The following CTBP2 variants were observed in gnomAD, a reference collection of about 807,000 sequenced individuals.
CTBP2 encodes the protein C-terminal-binding protein 2.
A neutral mutation model predicts 80.3 loss-of-function variants in CTBP2; 30 were observed. The ratio of observed to expected loss-of-function variants is 0.37; its 90% confidence interval spans 0.28 to 0.51. The LOEUF (loss-of-function observed/expected upper bound fraction) is 0.51, where lower values mean the gene tolerates loss of function less well. CTBP2 is among the 20% of genes least tolerant of loss of function. CTBP2 has a pLI of 0.93. For missense variants in CTBP2, 1,212 were observed against 1,375.3 expected (o/e 0.88, Z 1.88); for synonymous variants, 594 against 587.4 (o/e 1.01, Z -0.16).
intron 2 of CTBP2, among the ~76,000 whole-genome samples, chr10:125,055,146 CCTT>C (rs903515845): frequency 3.9e-5 from 6 of 152,188 alleles, no homozygotes; most frequent in African/African-American, 1.4e-4. Context: ...GGTAAACAGA[CCTT>C]CTTGCTTTTT....
intron 2 of CTBP2, among the ~76,000 whole-genome samples, chr10:125,069,892 C>CG (rs1027364559): frequency 1.2e-4 from 15 of 130,334 alleles, no homozygotes; most frequent in African/African-American, 3.2e-4. Context: ...CCCCCTCCCC[C>CG]CCCCACACAA....
intron 3 of CTBP2, among the ~76,000 whole-genome samples, chr10:125,034,503 T>G (rs1362021980): frequency 6.6e-6 from 1 of 152,232 alleles, no homozygotes; most frequent in Non-Finnish European, 1.5e-5. Flanking sequence ...GCTAATCACA[T>G]AATTGCTGGA....
intron 1 of CTBP2, among the ~76,000 whole-genome samples, chr10:125,150,626 AAACAGTGACT>A (rs1316662723): frequency 6.6e-6 from 1 of 151,690 alleles, no homozygotes; most frequent in Non-Finnish European, 1.5e-5. Context: ...TTCATTGGTA[AAACAGTGACT>A]AACTATCACC....
chr10:125,100,813 G>T (rs903241479), intron 2 of CTBP2: 1 of 152,162 alleles, frequency 6.6e-6, no homozygotes, highest in Non-Finnish European at 1.5e-5. Flanking sequence ...GAAAGAGGAA[G>T]CCCTAGGGTA....
chr10:125,148,279 T>C (rs1422183344), intron 1 of CTBP2, among the ~76,000 whole-genome samples: 1 of 152,032 alleles, frequency 6.6e-6, no homozygotes, highest in Non-Finnish European at 1.5e-5. Flanking sequence ...CCGGGGCCCC[T>C]AGAGCAAAAC....
intron 1 of CTBP2, among the ~76,000 whole-genome samples, chr10:125,149,388 G>A (rs1859397776): frequency 6.6e-6 from 1 of 152,148 alleles, no homozygotes; most frequent in African/African-American, 2.4e-5. Flanking sequence ...AAGGAGACCT[G>A]TTTAAAAACT....
At chr10:124,997,922 G>A (rs772252602) in intron 4 of CTBP2, 42 bp downstream of exon 6, 3 of 1,575,698 alleles carry the variant, frequency 1.9e-6, no homozygotes, top group East Asian at 2.2e-5. Context: ...ACCAGCCCCA[G>A]TGTCGGAGGG....
At chr10:125,108,689 G>A (rs1167294888) in intron 2 of CTBP2, among the ~76,000 whole-genome samples, 2 of 133,274 alleles carry the variant, frequency 1.5e-5, no homozygotes, top group Non-Finnish European at 3.2e-5. Context: ...GTGGTCAGGG[G>A]AGAAGTTTTA....
At chr10:125,008,353 G>T (rs1955494396) in intron 1 of CTBP2, among the ~76,000 whole-genome samples, 1 of 152,190 alleles carries the variant, frequency 6.6e-6, no homozygotes. Flanking sequence ...CCTGACAGGG[G>T]CTACGGCTGC....
intron 4 of CTBP2, among the ~76,000 whole-genome samples, chr10:124,994,984 C>T (rs1953272997): frequency 2.6e-5 from 4 of 152,242 alleles, no homozygotes; most frequent in Admixed American, 2.6e-4. Context: ...ACAGAGTGTT[C>T]TGACAAGCCC....
chr10:125,084,435 C>A (rs1847665335), intron 2 of CTBP2, among the ~76,000 whole-genome samples: 1 of 152,172 alleles, frequency 6.6e-6, no homozygotes, highest in South Asian at 2.1e-4. Flanking sequence ...GCTCTGGAGG[C>A]CTCTGTGCCT....
In CTBP2 at chr10:125,099,751, G is replaced by C. The variant is rs374080338; in HGVS notation, c.-102+11239C>G. ...GCAGAAGGGTCCCAAGGACTGTTCA[G>C]GTCCACGGTCTCTTTCTCTGGACCC... is the stretch of plus-strand genomic sequence containing the variant. On this transcript the variant is annotated intron_variant, in intron 2 of 10. Coordinates refer to the CTBP2 transcript ENST00000337195. 6.0e-4 allele frequency among the ~76,000 whole-genome samples: 91 copies of C among 152,344 alleles called. No homozygotes were observed. In the South Asian group the frequency reaches 7.9e-3, roughly 13 times the overall value.
intron 1 of CTBP2, among the ~76,000 whole-genome samples, chr10:125,020,674 A>G (rs141130090): frequency 0.014 from 2,107 of 152,210 alleles, 46 homozygotes; most frequent in African/African-American, 0.048. Flanking sequence ...GGCAGAAATC[A>G]TTTGTCGACC....
intron 1 of CTBP2, among the ~76,000 whole-genome samples, chr10:125,011,241 C>A (rs1369198949): frequency 6.6e-6 from 1 of 152,184 alleles, no homozygotes; most frequent in Non-Finnish European, 1.5e-5. Context: ...TCTGCAAAGT[C>A]AGCTGGAGGT....
chr10:125,162,429 T>C (rs567161542), upstream of CTBP2: 1 of 152,416 alleles, frequency 6.6e-6, no homozygotes, highest in South Asian at 2.1e-4. Context: ...ATTAAACATT[T>C]CTTAAATCCT....
At chr10:125,130,041 CTT>C (rs10700714) in intron 1 of CTBP2, among the ~76,000 whole-genome samples, 165 of 143,156 alleles carry the variant, frequency 1.2e-3, no homozygotes, top group Middle Eastern at 3.5e-3. Flanking sequence ...GGATTTCTCT[CTT>C]TTTTTTTTTT....
chr10:125,039,106 G>T, exon 3 of CTBP2: 8 of 1,511,672 alleles, frequency 5.3e-6, no homozygotes, highest in Non-Finnish European at 6.4e-6. Flanking sequence ...AGTCCTCTAA[G>T]AACTTAGGGG....
At chr10:125,019,628 G>GACC (rs1244795961) in intron 1 of CTBP2, among the ~76,000 whole-genome samples, 2 of 152,120 alleles carry the variant, frequency 1.3e-5, no homozygotes, top group African/African-American at 4.8e-5. Context: ...GGCTGAATGG[G>GACC]ACCCCTACCT....
chr10:125,060,463 CGTGTGTGTGTGTGTGTGTGTGT>C (rs56032803), intron 2 of CTBP2, among the ~76,000 whole-genome samples: 7 of 147,854 alleles, frequency 4.7e-5, no homozygotes, highest in African/African-American at 1.7e-4. Flanking sequence ...ATTCCCCCCA[CGTGTGTGTGTGTGTGTGTGTGT>C]GTGTGTGTGT....
Sources: allele counts gnomAD v4.1 joint callset (sites outside exome capture counted in the v4.1 genomes callset), GRCh38; gene constraint gnomAD v4.1.1; transcripts MANE v1.5; gene names NCBI Gene and HGNC (gene_info 2026-07-23, HGNC 2026-07-21).